TYW1: variants seen among roughly 807,000 people sequenced by gnomAD.
The protein encoded by TYW1 is S-adenosyl-L-methionine-dependent tRNA 4-demethylwyosine synthase TYW1.
TYW1 carries 46 observed loss-of-function variants against 96.2 expected under a neutral mutation model. The observed-to-expected ratio is 0.48, with a 90% CI of 0.38 to 0.61. TYW1 has a LOEUF of 0.61. Ranked by LOEUF, TYW1 falls within the 20% of genes least tolerant of loss-of-function variation. The probability of loss-of-function intolerance (pLI) is 0.00; values close to 1 mark genes in which losing one functional copy is unlikely to be tolerated. For missense variants in TYW1, 684 were observed against 909.6 expected, an observed-to-expected ratio of 0.75 and a Z score of 3.19; for synonymous variants, 274 against 323.0, an observed-to-expected ratio of 0.85 and a Z score of 1.63.
At chr7:67,204,985 C>T (rs866216757) in intron 15 of TYW1, among the ~76,000 whole-genome samples, 19 of 151,998 alleles carry the variant, frequency 1.3e-4, no homozygotes, top group African/African-American at 3.1e-4. Context: ...GCACATACCA[C>T]GTTGGCATCT....
At chr7:67,231,830 A>G (rs1801757976) in intron 15 of TYW1, among the ~76,000 whole-genome samples, 2 of 144,544 alleles carry the variant, frequency 1.4e-5, no homozygotes, top group African/African-American at 5.3e-5. Context: ...AATTATTTCA[A>G]TGAATATATC....
At chr7:67,011,544 A>T (rs879358338) in intron 4 of TYW1, among the ~76,000 whole-genome samples, 3 of 152,178 alleles carry the variant, frequency 2.0e-5, no homozygotes, top group Non-Finnish European at 4.4e-5. Context: ...TAGAGCTTAA[A>T]CAGTGCTCCT....
chr7:67,094,655 T>A (rs1364597537), intron 11 of TYW1, among the ~76,000 whole-genome samples: 1 of 109,508 alleles, frequency 9.1e-6, no homozygotes, highest in East Asian at 2.3e-4. Flanking sequence ...AATTAGAGTG[T>A]GTGTGTGTGT....
intron 11 of TYW1, among the ~76,000 whole-genome samples, chr7:67,094,261 C>A (rs1359440911): frequency 6.6e-6 from 1 of 152,120 alleles, no homozygotes; most frequent in Non-Finnish European, 1.5e-5. Flanking sequence ...ACACTTAGGT[C>A]ATGGTTTCAT....
chr7:67,029,596 C>T (rs1473404135), intron 7 of TYW1, among the ~76,000 whole-genome samples: 1 of 151,968 alleles, frequency 6.6e-6, no homozygotes, highest in East Asian at 1.9e-4. Flanking sequence ...GAAGACTGCC[C>T]TGACTTCAGA....
chr7:67,211,180 G>A (rs1284764091), intron 15 of TYW1, among the ~76,000 whole-genome samples: 1 of 144,236 alleles, frequency 6.9e-6, no homozygotes, highest in Non-Finnish European at 1.5e-5. Context: ...GTGTGTGTGT[G>A]TGTGTGTGTG....
chr7:67,180,385 T>TA (rs1491338539), intron 13 of TYW1, among the ~76,000 whole-genome samples: 9 of 77,630 alleles, frequency 1.2e-4, no homozygotes, highest in East Asian at 9.7e-4. Context: ...AAGCTGTTGG[T>TA]TTATATATAT....
At chr7:67,103,313 C>A (rs1797146598) in intron 12 of TYW1, among the ~76,000 whole-genome samples, 1 of 152,122 alleles carries the variant, frequency 6.6e-6, no homozygotes. Flanking sequence ...AATGTGTGTC[C>A]AAATGTTAGG....
intron 13 of TYW1, among the ~76,000 whole-genome samples, chr7:67,152,671 G>A (rs189396103): frequency 4.9e-4 from 74 of 151,958 alleles, no homozygotes; most frequent in African/African-American, 1.7e-3. Flanking sequence ...GCATGATCTC[G>A]GCTCACTGTA....
intron 13 of TYW1, among the ~76,000 whole-genome samples, chr7:67,142,981 G>A (rs992728075): frequency 2.6e-5 from 4 of 151,750 alleles, no homozygotes; most frequent in Non-Finnish European, 5.9e-5. Context: ...TGAACCCGGG[G>A]GGCGGAAGTT....
intron 3 of TYW1, among the ~76,000 whole-genome samples, chr7:67,007,090 G>A (rs1289081030): frequency 2.0e-5 from 3 of 151,008 alleles, no homozygotes; most frequent in Admixed American, 6.7e-5. Flanking sequence ...TGTGGCTGAC[G>A]TCCTTGAATT....
intron 5 of TYW1, among the ~76,000 whole-genome samples, chr7:67,016,855 G>A (rs1223944234): frequency 6.6e-6 from 1 of 151,646 alleles, no homozygotes; most frequent in African/African-American, 2.4e-5. Flanking sequence ...TTGAACTCGG[G>A]CTTGAGCATT....
intron 15 of TYW1, among the ~76,000 whole-genome samples, chr7:67,228,449 A>G (rs1407595413): frequency 1.3e-5 from 2 of 152,306 alleles, no homozygotes; most frequent in East Asian, 3.9e-4. Context: ...CCCACAACAC[A>G]TGGGAATTGT....
intron 10 of TYW1, among the ~76,000 whole-genome samples, chr7:67,080,756 T>C (rs189182856): frequency 2.6e-5 from 4 of 152,244 alleles, no homozygotes; most frequent in Admixed American, 2.0e-4. Context: ...TTTCAGTCTG[T>C]GTATATCTTT....
At chr7:67,178,307 G>T (rs1482817951) in intron 13 of TYW1, among the ~76,000 whole-genome samples, 4 of 152,218 alleles carry the variant, frequency 2.6e-5, no homozygotes, top group Non-Finnish European at 5.9e-5. Flanking sequence ...TGGCCATAAA[G>T]ATGTATTTAT....
chr7:67,005,507 G>A lies in TYW1; in HGVS notation c.274-4076G>A, dbSNP rs151077530. 3.1e-3 allele frequency among the ~76,000 whole-genome samples: 479 copies of A among 152,268 alleles called. 4 individuals carry two copies. The highest frequency in any genetic ancestry group is 0.011 in the African/African-American group (445 of 41,564). ...GCTACTTGGGCGGCTGAGGTGGGACGATTGCTTGAGCCCAGGAGGTCAAGG... is the reference window on the plus strand; with the variant it reads ...GCTACTTGGGCGGCTGAGGTGGGACAATTGCTTGAGCCCAGGAGGTCAAGG... On this transcript the variant is annotated intron_variant, in intron 3 of 15. Transcript: ENST00000359626.
At chr7:67,137,476 A>G (rs1026766751) in intron 13 of TYW1, among the ~76,000 whole-genome samples, 13 of 152,126 alleles carry the variant, frequency 8.5e-5, no homozygotes, top group African/African-American at 3.1e-4. Context: ...AAAATAAAAG[A>G]GAAAAAAGGA....
chr7:67,141,104 GTTTATC>G (rs922051518), intron 13 of TYW1, among the ~76,000 whole-genome samples: 7 of 152,290 alleles, frequency 4.6e-5, no homozygotes, highest in African/African-American at 1.7e-4. Flanking sequence ...GCCTATAAGT[GTTTATC>G]TTTATTCATT....
At chr7:67,105,833 T>C (rs1273832003) in intron 12 of TYW1, among the ~76,000 whole-genome samples, 1 of 151,500 alleles carries the variant, frequency 6.6e-6, no homozygotes, top group Non-Finnish European at 1.5e-5. Flanking sequence ...GTGTGTTTCA[T>C]ATGCAGTCTG....
Sources: allele counts gnomAD v4.1 joint callset (sites outside exome capture counted in the v4.1 genomes callset), GRCh38; gene constraint gnomAD v4.1.1; transcripts MANE v1.5; gene names NCBI Gene and HGNC (gene_info 2026-07-23, HGNC 2026-07-21).